The following ZFP2 variants were observed in gnomAD, a reference collection of about 807,000 sequenced individuals.
ZFP2 encodes the protein zinc finger protein ZFP2.
Under a neutral mutation model 36.1 loss-of-function variants are expected in ZFP2, and 33 were observed. The ratio of observed to expected loss-of-function variants is 0.92; its 90% CI spans 0.69 to 1.22. The LOEUF is 1.22. ZFP2 is among the 50% of genes most tolerant of loss of function. ZFP2 has a pLI of 0.00. For synonymous variants in ZFP2, 170 were observed against 178.0 expected (o/e 0.96, Z 0.36); for missense variants, 522 against 551.4 (o/e 0.95, Z 0.53).
Position 178,922,223 on chromosome 5 carries a change from G to A in ZFP2, c.-78+5513G>A, listed in dbSNP as rs1020675846. 7 of 1,078,316 alleles carry A rather than the reference G, an allele frequency of 6.5e-6. 1 individual carries two copies. The highest frequency in any genetic ancestry group is 2.3e-5 in the East Asian group (1 of 42,792). 66.8% of individuals were successfully genotyped at this position (1,078,316 alleles called of 1,614,324 possible). A position where few individuals can be genotyped will look rare whatever the true frequency, so the allele number is the denominator to read the frequency against. Reference sequence around the variant, plus strand: ...CGTCTGTTCTGGTTTTGTAACTGCTGTCAGTCTAGTACTATATTTAGTAGT... The same window carrying A: ...CGTCTGTTCTGGTTTTGTAACTGCTATCAGTCTAGTACTATATTTAGTAGT... On this transcript the variant is annotated intron_variant, in intron 4 of 4. Coordinates refer to ENST00000361362, the MANE Select transcript of ZFP2 (RefSeq NM_030613.4).
intron 4 of ZFP2, among the ~76,000 whole-genome samples, chr5:178,920,622 G>A (rs975451083): frequency 4.0e-5 from 6 of 149,892 alleles, no homozygotes; most frequent in Non-Finnish European, 7.4e-5. Context: ...GGGCAACAGA[G>A]TGAGACTTCG....
chr5:178,904,788 T>A (rs1283573285), intron 1 of ZFP2, among the ~76,000 whole-genome samples: 2 of 147,474 alleles, frequency 1.4e-5, no homozygotes, highest in South Asian at 4.5e-4. Context: ...CTGCAACCTC[T>A]GCCTGCCGGG....
In ZFP2 at chr5:178,931,839, C is replaced by G; in HGVS notation, c.526C>G (p.His176Asp). 3.1e-6 allele frequency: 5 copies of G among 1,612,580 alleles called. No homozygotes were observed. The highest frequency in any genetic ancestry group is 4.2e-6 in the Non-Finnish European group (5 of 1,178,808). ...AFSQSMNLTV[H>D]QRTHTGEKPY... is the part of the protein sequence containing the mutation. Reference sequence around the variant, plus strand: ...TAGTCAGAGCATGAATCTTACTGTCCATCAACGAACTCACACCGGAGAGAA... The same window carrying G: ...TAGTCAGAGCATGAATCTTACTGTCGATCAACGAACTCACACCGGAGAGAA... Residue 176 changes from histidine to aspartate, a missense_variant, in exon 5 of 5, where the codon CAT becomes GAT. Coordinates refer to ENST00000361362, the MANE Select transcript of ZFP2 (RefSeq NM_030613.4).
chr5:178,922,648 A>T (rs775640973), intron 4 of ZFP2: 3 of 1,587,132 alleles, frequency 1.9e-6, no homozygotes, highest in Non-Finnish European at 2.6e-6. Flanking sequence ...ACCTTTGTCC[A>T]CGTGGCTGGC....
intron 1 of ZFP2, among the ~76,000 whole-genome samples, chr5:178,900,943 A>G (rs534453071): frequency 9.8e-5 from 15 of 152,322 alleles, no homozygotes; most frequent in African/African-American, 3.6e-4. Context: ...AGTATATATT[A>G]TGCCTGGCTT....
rs755719846 is a variant in ZFP2, at chr5:178,931,550, T to G, written c.237T>G (p.His79Gln). 1.2e-6 allele frequency: 2 copies of G among 1,614,034 alleles called. No individual in the cohort carries two copies. Among genetic ancestry groups the G allele is most frequent in the African/African-American group, 2.7e-5 (2 of 74,930 alleles). Residue 79 changes from histidine to glutamine, a missense_variant, in exon 5 of 5, where the codon CAT becomes CAG. Physicochemically the swap from His to Gln is conservative, Grantham distance 24. Coordinates refer to ENST00000361362, the MANE Select transcript of ZFP2 (RefSeq NM_030613.4). ...MVKRPHNCNSHGEDATQNSEL... is the reference protein window; with the variant it reads ...MVKRPHNCNSQGEDATQNSEL... ...AAAGGCCCCATAACTGTAATTCACA[T>G]GGAGAAGATGCCACACAAAATTCTG...
At chr5:178,902,279 C>T (rs1009518805) in intron 1 of ZFP2, among the ~76,000 whole-genome samples, 4 of 152,208 alleles carry the variant, frequency 2.6e-5, no homozygotes, top group Non-Finnish European at 5.9e-5. Flanking sequence ...CCATTTCACT[C>T]TAAGTGTCCG....
rs768352336 is a variant in ZFP2, at chr5:178,932,750, A to G, written c.*51A>G. Reference sequence around the variant, plus strand: ...CATGATTAACTCTTCAGTAATAATCATATGAGACATACAATGTAGAAACCT... The same window carrying G: ...CATGATTAACTCTTCAGTAATAATCGTATGAGACATACAATGTAGAAACCT... On this transcript the variant is annotated 3_prime_UTR_variant, in exon 5 of 5. Coordinates refer to ENST00000361362, the MANE Select transcript of ZFP2 (RefSeq NM_030613.4). 4.6e-6 allele frequency: 7 copies of G among 1,519,302 alleles called. No homozygotes were observed. Among genetic ancestry groups the G allele is most frequent in the Admixed American group, 2.2e-5 (1 of 44,494 alleles). The allele number at this position is 1,519,302 out of a possible 1,614,324, so 94.1% of individuals were successfully genotyped here. A position where few individuals can be genotyped will look rare whatever the true frequency, so the allele number is the denominator to read the frequency against.
At chr5:178,908,075 C>G (rs536715094) in intron 1 of ZFP2, among the ~76,000 whole-genome samples, 5 of 152,308 alleles carry the variant, frequency 3.3e-5, no homozygotes, top group Non-Finnish European at 7.4e-5. Flanking sequence ...CTTGGCTCTC[C>G]AAGAGCTCTA....
intron 3 of ZFP2, chr5:178,915,668 T>C (rs1474587391): frequency 2.6e-5 from 4 of 151,804 alleles, no homozygotes; most frequent in African/African-American, 9.7e-5. Flanking sequence ...TCATTTTCCA[T>C]GTCTGTCTGT....
intron 4 of ZFP2, among the ~76,000 whole-genome samples, chr5:178,918,293 G>A (rs1758482194): frequency 6.6e-6 from 1 of 152,228 alleles, no homozygotes; most frequent in Non-Finnish European, 1.5e-5. Context: ...AGAATGCATT[G>A]TAGGGTAGCA....
At chr5:178,916,982 TG>T (rs1758444516) in intron 4 of ZFP2, among the ~76,000 whole-genome samples, 1 of 152,234 alleles carries the variant, frequency 6.6e-6, no homozygotes, top group Non-Finnish European at 1.5e-5. Context: ...GTTAGATTTT[TG>T]CTCCTGTTTT....
At position 178,932,433 on chromosome 5, in the gene ZFP2, G is replaced by A. The variant is rs1758869904; in HGVS notation, c.1120G>A (p.Val374Ile). 6.2e-7 allele frequency: 1 copy of A among 1,613,810 alleles called. No homozygotes were observed. Among genetic ancestry groups the A allele is most frequent in the Non-Finnish European group, 8.5e-7 (1 of 1,179,956 alleles). The change falls in exon 5 of 5, where the codon GTC becomes ATC. Residue 374 changes from valine (V) to isoleucine (I), a missense_variant. Transcript: ENST00000361362. ...TGRSSLTVHQ[V>I]IHTGEKPYEC... ...ACGATCATCCCTTACCGTGCATCAG[G>A]TCATTCACACTGGAGAGAAACCTTA...
At chr5:178,916,039 G>T (rs1458703280) in intron 3 of ZFP2, among the ~76,000 whole-genome samples, 1 of 152,128 alleles carries the variant, frequency 6.6e-6, no homozygotes. Context: ...ATGAATGAGT[G>T]GGCAGGGCAA....
intron 4 of ZFP2, among the ~76,000 whole-genome samples, chr5:178,926,732 A>G (rs1721543638): frequency 6.6e-6 from 1 of 151,876 alleles, no homozygotes; most frequent in Admixed American, 6.6e-5. Flanking sequence ...GTTAGCCAGG[A>G]TGGTCTAGAT....
intron 1 of ZFP2, among the ~76,000 whole-genome samples, chr5:178,901,797 G>GT (rs35616825): frequency 0.33 from 49,299 of 149,012 alleles, 8,316 homozygotes; most frequent in East Asian, 0.44. Context: ...TTTTTGGTTT[G>GT]TTTTTTTTTT....
intron 1 of ZFP2, chr5:178,910,587 T>C: frequency 2.2e-6 from 1 of 463,084 alleles, no homozygotes; most frequent in East Asian, 4.9e-5. Context: ...TTCTTACACT[T>C]GGTGACACAC....
intron 2 of ZFP2, 50 bp from the exon 3 acceptor site, chr5:178,912,932 T>A: frequency 1.0e-6 from 1 of 968,758 alleles, no homozygotes; most frequent in Non-Finnish European, 1.2e-6. Context: ...CTAGGATTGG[T>A]TTTTAGGCTC....
intron 1 of ZFP2, among the ~76,000 whole-genome samples, chr5:178,898,402 T>C (rs1757983844): frequency 6.6e-6 from 1 of 152,284 alleles, no homozygotes; most frequent in Admixed American, 6.5e-5. Context: ...GAATATGTCA[T>C]GTCTCTCTGT....
Sources: allele counts gnomAD v4.1 joint callset (sites outside exome capture counted in the v4.1 genomes callset), GRCh38; gene constraint gnomAD v4.1.1; transcripts MANE v1.5; gene names NCBI Gene and HGNC (gene_info 2026-07-23, HGNC 2026-07-21).